CYRIB: variants seen among roughly 807,000 people sequenced by gnomAD.
The protein encoded by CYRIB is CYFIP related Rac1 interactor B, also known as CYFIP-related Rac1 interactor B.
A neutral mutation model predicts 44.2 loss-of-function variants in CYRIB; 8 were observed. The observed-to-expected ratio is 0.18, with a 90% CI of 0.11 to 0.33. The LOEUF is 0.33. Among genes scored for constraint, CYRIB ranks in the 10% least tolerant of loss-of-function variants. The pLI is 1.00. For missense variants in CYRIB, 185 were observed against 382.8 expected (o/e 0.48, Z 4.31); for synonymous variants, 131 against 127.2 (o/e 1.03, Z -0.20).
chr8:129,848,895 T>C (rs771214974), intron 10 of CYRIB, among the ~76,000 whole-genome samples: 6 of 152,218 alleles, frequency 3.9e-5, no homozygotes, highest in Non-Finnish European at 5.9e-5. Context: ...TTTATATGCA[T>C]TCTGAAATAA....
intron 1 of CYRIB, among the ~76,000 whole-genome samples, chr8:129,991,943 C>CAAAAA (rs35897320): frequency 0.013 from 254 of 19,190 alleles, 44 homozygotes; most frequent in East Asian, 0.017. Context: ...AGCAGAGTCG[C>CAAAAA]AAAAAAAAAA....
chr8:129,846,765 A>T (rs1199402026), intron 11 of CYRIB, 39 bp downstream of exon 13: 1 of 1,415,296 alleles, frequency 7.1e-7, no homozygotes, highest in African/African-American at 1.5e-5. Context: ...TTTTCCTTAC[A>T]GATTTTTTCT....
chr8:129,872,379 T>C (rs1314859543), intron 3 of CYRIB, among the ~76,000 whole-genome samples: 1 of 152,138 alleles, frequency 6.6e-6, no homozygotes, highest in African/African-American at 2.4e-5. Context: ...TCACCACCTG[T>C]GGTGTTAGCC....
At chr8:129,900,281 A>G (rs2070847794) in intron 2 of CYRIB, among the ~76,000 whole-genome samples, 1 of 152,244 alleles carries the variant, frequency 6.6e-6, no homozygotes, top group South Asian at 2.1e-4. Context: ...TCAGGGCCAG[A>G]TGACATCAAA....
At chr8:129,877,509 C>A (rs1263643397) in intron 3 of CYRIB, among the ~76,000 whole-genome samples, 1 of 151,900 alleles carries the variant, frequency 6.6e-6, no homozygotes, top group Admixed American at 6.6e-5. Flanking sequence ...ATTAGCTGGG[C>A]TTGGTGGCAT....
At chr8:129,996,632 T>C (rs996926673) in intron 1 of CYRIB, among the ~76,000 whole-genome samples, 1 of 152,206 alleles carries the variant, frequency 6.6e-6, no homozygotes, top group Non-Finnish European at 1.5e-5. Context: ...ACAATATTAC[T>C]GCTAGTAAAC....
At chr8:129,903,207 T>G (rs977496733) in intron 2 of CYRIB, 105 bp downstream of exon 4, 1 of 152,554 alleles carries the variant, frequency 6.6e-6, no homozygotes, top group Non-Finnish European at 1.5e-5. Flanking sequence ...CAATATTGTG[T>G]ATAGAACATT....
intron 7 of CYRIB, among the ~76,000 whole-genome samples, 199 bp from the exon 10 acceptor site, chr8:129,852,477 T>C (rs2043837258): frequency 6.6e-6 from 1 of 152,214 alleles, no homozygotes; most frequent in Non-Finnish European, 1.5e-5. Context: ...TTAAATGATA[T>C]TAAAGAATTT....
intron 1 of CYRIB, among the ~76,000 whole-genome samples, chr8:129,907,562 T>C (rs1428706609): frequency 6.6e-6 from 1 of 152,090 alleles, no homozygotes; most frequent in African/African-American, 2.4e-5. Context: ...CTGCACATTG[T>C]GCACATGTAC....
At chr8:129,842,917 A>G (rs1232567757) in intron 11 of CYRIB, among the ~76,000 whole-genome samples, 1 of 152,184 alleles carries the variant, frequency 6.6e-6, no homozygotes, top group Non-Finnish European at 1.5e-5. Context: ...TATCTCTAAA[A>G]TGTCTCAATT....
chr8:129,877,519 T>C (rs1009349836), intron 3 of CYRIB, among the ~76,000 whole-genome samples: 2 of 151,842 alleles, frequency 1.3e-5, no homozygotes, highest in Non-Finnish European at 2.9e-5. Flanking sequence ...CTTGGTGGCA[T>C]GTGCCTGTAG....
chr8:129,942,177 A>G (rs969033552), upstream of CYRIB, among the ~76,000 whole-genome samples: 26 of 152,136 alleles, frequency 1.7e-4, no homozygotes, highest in African/African-American at 6.0e-4. Flanking sequence ...CATCTCTACT[A>G]AAAATACAAA....
chr8:129,953,902 A>G (rs999166442), intron 2 of CYRIB, among the ~76,000 whole-genome samples: 7 of 152,224 alleles, frequency 4.6e-5, no homozygotes, highest in African/African-American at 1.7e-4. Context: ...GGAAAAAGTC[A>G]AACATAAACT....
intron 4 of CYRIB, among the ~76,000 whole-genome samples, chr8:129,869,752 C>T (rs924992926): frequency 2.0e-5 from 3 of 152,130 alleles, no homozygotes; most frequent in African/African-American, 7.2e-5. Context: ...CAACAGCTAA[C>T]CGCTTACTAA....
intron 1 of CYRIB, among the ~76,000 whole-genome samples, chr8:129,982,851 T>TAG (rs1211085423): frequency 7.9e-5 from 12 of 152,138 alleles, no homozygotes; most frequent in African/African-American, 2.9e-4. Flanking sequence ...ACCACCTCTT[T>TAG]CTGTCCCCAG....
At chr8:129,974,738 C>T (rs10107362) in intron 1 of CYRIB, among the ~76,000 whole-genome samples, 1 of 149,284 alleles carries the variant, frequency 6.7e-6, no homozygotes, top group Non-Finnish European at 1.5e-5. Context: ...TTTTAAACTT[C>T]AAACAGGGTC....
chr8:129,915,926 T>C (rs931279735), intron 1 of CYRIB, among the ~76,000 whole-genome samples: 1 of 152,236 alleles, frequency 6.6e-6, no homozygotes, highest in Non-Finnish European at 1.5e-5. Flanking sequence ...GTATTTATAT[T>C]TTAACTTTGA....
intron 2 of CYRIB, among the ~76,000 whole-genome samples, chr8:129,886,550 A>G (rs1316934321): frequency 6.6e-6 from 1 of 152,152 alleles, no homozygotes; most frequent in African/African-American, 2.4e-5. Context: ...CTTAAAAGGA[A>G]TAATCTAACA....
intron 2 of CYRIB, among the ~76,000 whole-genome samples, chr8:129,947,538 T>C (rs1372230847): frequency 6.6e-6 from 1 of 152,050 alleles, no homozygotes; most frequent in Non-Finnish European, 1.5e-5. Flanking sequence ...TCCCTAAATA[T>C]GTTGAATGAA....
Sources: allele counts gnomAD v4.1 joint callset (sites outside exome capture counted in the v4.1 genomes callset), GRCh38; gene constraint gnomAD v4.1.1; transcripts MANE v1.5; gene names NCBI Gene and HGNC (gene_info 2026-07-23, HGNC 2026-07-21).